Variants in TMEM117 observed in about 807,000 individuals in gnomAD.
TMEM117 encodes the protein transmembrane protein 117.
In TMEM117, 27 loss-of-function variants were observed where a neutral mutation model predicts 52.4. The observed-to-expected ratio is 0.51, with a 90% CI of 0.38 to 0.71. The LOEUF (loss-of-function observed/expected upper bound fraction) is 0.71, where lower values mean the gene tolerates loss of function less well. Among genes scored for constraint, TMEM117 ranks in the 30% least tolerant of loss-of-function variants. The pLI is 0.00. For synonymous variants in TMEM117, 215 were observed against 206.3 expected (o/e 1.04, Z -0.36); for missense variants, 556 against 630.5 (o/e 0.88, Z 1.26).
intron 2 of TMEM117, among the ~76,000 whole-genome samples, chr12:43,848,394 G>A (rs1037897141): frequency 2.6e-5 from 4 of 152,004 alleles, no homozygotes; most frequent in Admixed American, 6.6e-5. Context: ...CAGAGCTGCC[G>A]TTTATAGACC....
intron 3 of TMEM117, among the ~76,000 whole-genome samples, chr12:44,094,964 T>G (rs930756347): frequency 6.6e-6 from 1 of 152,178 alleles, no homozygotes; most frequent in Non-Finnish European, 1.5e-5. Context: ...GTCATATTTT[T>G]ACACTGGTAA....
At chr12:44,221,672 G>A (rs1206084215) in intron 5 of TMEM117, among the ~76,000 whole-genome samples, 1 of 151,674 alleles carries the variant, frequency 6.6e-6, no homozygotes, top group African/African-American at 2.4e-5. Context: ...AGTCTATTTT[G>A]AATAAATGTT....
intron 3 of TMEM117, chr12:44,073,641 A>G (rs2137990069): frequency 6.6e-6 from 1 of 152,390 alleles, no homozygotes; most frequent in Non-Finnish European, 1.5e-5. Context: ...AGGTCGTTGG[A>G]GTGCTGTTGG....
intron 5 of TMEM117, among the ~76,000 whole-genome samples, chr12:44,287,287 G>T (rs1051468396): frequency 6.6e-6 from 1 of 152,140 alleles, no homozygotes; most frequent in Non-Finnish European, 1.5e-5. Flanking sequence ...TTGACTAGAG[G>T]CCAGAAACCA....
At chr12:44,362,173 C>G (rs1248279463) in intron 6 of TMEM117, among the ~76,000 whole-genome samples, 1 of 152,060 alleles carries the variant, frequency 6.6e-6, no homozygotes, top group East Asian at 1.9e-4. Flanking sequence ...ACGTATTTGG[C>G]TCTTTACTCA....
intron 3 of TMEM117, among the ~76,000 whole-genome samples, chr12:44,059,514 TCTTTA>T (rs969618761): frequency 1.4e-4 from 22 of 152,128 alleles, no homozygotes; most frequent in Admixed American, 1.0e-3. Flanking sequence ...TTTGGGGTGG[TCTTTA>T]CTTTAAAAAT....
intron 2 of TMEM117, among the ~76,000 whole-genome samples, chr12:43,915,799 G>A (rs7965330): frequency 0.28 from 42,577 of 151,870 alleles, 8,670 homozygotes; most frequent in African/African-American, 0.58. Context: ...TTTACTGAGT[G>A]TAGTGTTTTC....
At chr12:44,041,138 C>T (rs1946791060) in intron 3 of TMEM117, among the ~76,000 whole-genome samples, 1 of 151,948 alleles carries the variant, frequency 6.6e-6, no homozygotes, top group South Asian at 2.1e-4. Context: ...TACATGTGCA[C>T]AACATGCAGG....
intron 5 of TMEM117, among the ~76,000 whole-genome samples, chr12:44,226,451 GA>G (rs1343812864): frequency 2.6e-5 from 4 of 151,990 alleles, no homozygotes; most frequent in African/African-American, 7.2e-5. Context: ...CTGAAGTAGG[GA>G]GAGTTTACCT....
intron 3 of TMEM117, among the ~76,000 whole-genome samples, chr12:44,006,053 A>G (rs748635557): frequency 2.6e-5 from 4 of 152,190 alleles, no homozygotes; most frequent in Non-Finnish European, 5.9e-5. Flanking sequence ...AAAACGGACT[A>G]ATACATAGGG....
chr12:43,938,254 T>C, intron 2 of TMEM117, among the ~76,000 whole-genome samples: 1 of 147,852 alleles, frequency 6.8e-6, no homozygotes, highest in Middle Eastern at 3.6e-3. Context: ...TTATATATTA[T>C]ATATTATATT....
intron 3 of TMEM117, among the ~76,000 whole-genome samples, chr12:44,103,067 A>C (rs1341645402): frequency 6.6e-6 from 1 of 152,034 alleles, no homozygotes; most frequent in African/African-American, 2.4e-5. Flanking sequence ...TAAATTACCC[A>C]GTCCTGGAAT....
chr12:44,054,346 G>A (rs1341810375), intron 3 of TMEM117, among the ~76,000 whole-genome samples: 1 of 152,108 alleles, frequency 6.6e-6, no homozygotes, highest in Non-Finnish European at 1.5e-5. Flanking sequence ...ACACCTTGGG[G>A]TCGTATTGAG....
intron 5 of TMEM117, among the ~76,000 whole-genome samples, chr12:44,220,240 G>A (rs1396810421): frequency 6.6e-6 from 1 of 152,138 alleles, no homozygotes; most frequent in African/African-American, 2.4e-5. Context: ...CTCTGAGCTT[G>A]CTTTACATGT....
intron 3 of TMEM117, among the ~76,000 whole-genome samples, chr12:43,976,078 A>G (rs1945665917): frequency 6.6e-6 from 1 of 152,162 alleles, no homozygotes; most frequent in African/African-American, 2.4e-5. Flanking sequence ...ATGAGAGACA[A>G]CTTTAAATTC....
At chr12:44,385,814 A>T (rs1565782662) in intron 7 of TMEM117, among the ~76,000 whole-genome samples, 1 of 152,006 alleles carries the variant, frequency 6.6e-6, no homozygotes, top group Non-Finnish European at 1.5e-5. Flanking sequence ...ACTGGATAAG[A>T]ATCTCTGAAC....
the TMEM117 span, among the ~76,000 whole-genome samples, chr12:43,807,360 A>G: frequency 6.6e-6 from 1 of 152,224 alleles, no homozygotes; most frequent in Non-Finnish European, 1.5e-5. Context: ...ACAGCAAACA[A>G]GGTTATGTTC....
chr12:43,997,428 C>T (rs1946049191), intron 3 of TMEM117, among the ~76,000 whole-genome samples: 1 of 152,028 alleles, frequency 6.6e-6, no homozygotes, highest in African/African-American at 2.4e-5. Context: ...ACTTGAATAT[C>T]TCCACTTCTA....
intron 6 of TMEM117, among the ~76,000 whole-genome samples, chr12:44,324,521 T>C (rs1951172153): frequency 6.6e-6 from 1 of 151,998 alleles, no homozygotes; most frequent in Admixed American, 6.6e-5. Flanking sequence ...ACATTAAAAA[T>C]GTGTTGACAT....
Sources: allele counts gnomAD v4.1 joint callset (sites outside exome capture counted in the v4.1 genomes callset), GRCh38; gene constraint gnomAD v4.1.1; transcripts MANE v1.5; gene names NCBI Gene and HGNC (gene_info 2026-07-23, HGNC 2026-07-21).